Variants in CALD1 observed in about 807,000 individuals in gnomAD.
The protein encoded by CALD1 is caldesmon.
CALD1 carries 33 observed loss-of-function variants against 99.9 expected under a neutral mutation model. The ratio of observed to expected loss-of-function variants is 0.33; its 90% confidence interval spans 0.25 to 0.44. The LOEUF (loss-of-function observed/expected upper bound fraction) is 0.44, where lower values mean the gene tolerates loss of function less well. Ranked by LOEUF, CALD1 falls within the 20% of genes least tolerant of loss-of-function variation. The pLI is 1.00. For synonymous variants in CALD1, 310 were observed against 325.0 expected (o/e 0.95, Z 0.50); for missense variants, 861 against 962.1 (o/e 0.89, Z 1.39).
At chr7:134,834,895 T>C (rs1439025890) in intron 1 of CALD1, among the ~76,000 whole-genome samples, 2 of 152,220 alleles carry the variant, frequency 1.3e-5, no homozygotes, top group Non-Finnish European at 2.9e-5. Flanking sequence ...CCCAGGGCCC[T>C]GTGCACAAAA....
At chr7:134,895,298 A>AAGTG (rs1045099168) in intron 3 of CALD1, among the ~76,000 whole-genome samples, 1 of 138,646 alleles carries the variant, frequency 7.2e-6, no homozygotes, top group African/African-American at 2.6e-5. Flanking sequence ...TTATATATGT[A>AAGTG]TGTGTGTGTG....
upstream of CALD1, among the ~76,000 whole-genome samples, chr7:134,742,255 A>G (rs749968144): frequency 1.9e-4 from 29 of 152,242 alleles, no homozygotes; most frequent in Non-Finnish European, 4.1e-4. Context: ...GAGATAGGCT[A>G]TGTGAAAAAA....
intron 12 of CALD1, 197 bp downstream of exon 12, chr7:134,960,308 C>A: frequency 1.4e-6 from 1 of 694,734 alleles, no homozygotes. Flanking sequence ...CCCGGGCCAT[C>A]TTACTCCAAA....
At chr7:134,881,305 T>C (rs1554449668) in intron 3 of CALD1, among the ~76,000 whole-genome samples, 1 of 152,164 alleles carries the variant, frequency 6.6e-6, no homozygotes, top group Non-Finnish European at 1.5e-5. Flanking sequence ...CTCTGGCACT[T>C]TTTTTCTTTG....
chr7:134,806,941 A>G (rs1379901975), intron 1 of CALD1, among the ~76,000 whole-genome samples: 1 of 152,208 alleles, frequency 6.6e-6, no homozygotes, highest in Admixed American at 6.5e-5. Flanking sequence ...AACCATTGCC[A>G]TCATTTTTCC....
intron 1 of CALD1, among the ~76,000 whole-genome samples, chr7:134,790,235 T>A (rs779925571): frequency 6.6e-6 from 1 of 152,036 alleles, no homozygotes. Context: ...TTGATAGTTA[T>A]CTGAAGTCCT....
intron 1 of CALD1, among the ~76,000 whole-genome samples, chr7:134,788,256 G>A (rs150783469): frequency 6.6e-6 from 1 of 152,252 alleles, no homozygotes; most frequent in East Asian, 1.9e-4. Flanking sequence ...CATCTATTGT[G>A]GCTATATGGT....
chr7:134,950,590 A>G, intron 9 of CALD1, 76 bp downstream of exon 9: 1 of 1,136,496 alleles, frequency 8.8e-7, no homozygotes, highest in Non-Finnish European at 1.3e-6. Context: ...GTTATTGATT[A>G]TACAGGGCCT....
intron 1 of CALD1, among the ~76,000 whole-genome samples, chr7:134,814,229 G>A (rs921794837): frequency 6.6e-6 from 1 of 152,186 alleles, no homozygotes; most frequent in Non-Finnish European, 1.5e-5. Flanking sequence ...TATAAATCAC[G>A]AGAGGAAGTA....
intron 4 of CALD1, among the ~76,000 whole-genome samples, chr7:134,932,225 T>C (rs995146057): frequency 6.6e-6 from 1 of 152,174 alleles, no homozygotes; most frequent in African/African-American, 2.4e-5. Flanking sequence ...CCCCCAACTA[T>C]GGAAGGAGGA....
At chr7:134,937,403 C>T (rs1806065817) in intron 6 of CALD1, among the ~76,000 whole-genome samples, 1 of 152,114 alleles carries the variant, frequency 6.6e-6, no homozygotes, top group Admixed American at 6.6e-5. Flanking sequence ...AAACTTTTGG[C>T]TTGTTTTTGA....
chr7:134,769,581 T>TAC (rs1250481849), intron 1 of CALD1, among the ~76,000 whole-genome samples: 1 of 151,194 alleles, frequency 6.6e-6, no homozygotes, highest in Non-Finnish European at 1.5e-5. Context: ...TTTTCTCTTA[T>TAC]ACACACACTC....
At chr7:134,803,481 C>A (rs1452927553) in intron 1 of CALD1, among the ~76,000 whole-genome samples, 1 of 151,868 alleles carries the variant, frequency 6.6e-6, no homozygotes, top group Non-Finnish European at 1.5e-5. Context: ...CAAGGATCTT[C>A]TATTTAAAAA....
chr7:134,752,985 G>A (rs968626207), intron 1 of CALD1, among the ~76,000 whole-genome samples: 1 of 143,968 alleles, frequency 6.9e-6, no homozygotes, highest in Non-Finnish European at 1.5e-5. Context: ...ACTCCAGCCT[G>A]GGCAACAGAA....
At chr7:134,901,801 A>G (rs1167733748) in intron 3 of CALD1, among the ~76,000 whole-genome samples, 5 of 151,896 alleles carry the variant, frequency 3.3e-5, no homozygotes, top group Non-Finnish European at 7.4e-5. Flanking sequence ...CATTCTCCCT[A>G]TGTCTCTTCA....
At position 134,958,259 on chromosome 7, in the gene CALD1, G is replaced by A. The variant is rs775972262; in HGVS notation, c.2030G>A (p.Ser677Asn). 16 of 1,613,966 alleles carry A rather than the reference G, an allele frequency of 9.9e-6. No individual in the cohort carries two copies. The Admixed American group carries it at 1.0e-4, about 10-fold the overall frequency. Reference sequence around the variant, plus strand: ...GCAGCAATAGTCTCCAAGATTGACAGCAGACTGGAGCAGTATACCAGTGCA... The same window carrying A: ...GCAGCAATAGTCTCCAAGATTGACAACAGACTGGAGCAGTATACCAGTGCA... The part of the protein sequence containing the change: ...HQAAIVSKID[S>N]RLEQYTSAIE... The change falls in exon 11 of 15, where the codon AGC (serine) becomes AAC (asparagine). Residue 677 changes from serine to asparagine, a missense_variant. By Grantham distance (46) the Ser-to-Asn change is conservative (BLOSUM62 1). Around this residue, in one of 5 missense-constraint regions of CALD1, gnomAD observed 190 missense variants for 249.0 expected, o/e 0.76. Coordinates refer to ENST00000361675, the MANE Select transcript of CALD1 (RefSeq NM_033138.4).
chr7:134,874,930 C>T (rs1801277281), intron 3 of CALD1, among the ~76,000 whole-genome samples: 1 of 152,200 alleles, frequency 6.6e-6, no homozygotes, highest in South Asian at 2.1e-4. Flanking sequence ...TTATACAACA[C>T]ACAACCCCTC....
chr7:134,967,403 GA>G (rs1808756132), intron 14 of CALD1, among the ~76,000 whole-genome samples: 1 of 152,044 alleles, frequency 6.6e-6, no homozygotes, highest in African/African-American at 2.4e-5. Context: ...TGAATACAAT[GA>G]ACACCCTTGA....
At chr7:134,898,116 T>C (rs989232225) in intron 3 of CALD1, among the ~76,000 whole-genome samples, 1 of 152,060 alleles carries the variant, frequency 6.6e-6, no homozygotes, top group East Asian at 1.9e-4. Context: ...AAAAGTTTTT[T>C]TGGATGGGAG....
Sources: allele counts gnomAD v4.1 joint callset (sites outside exome capture counted in the v4.1 genomes callset), GRCh38; gene constraint gnomAD v4.1.1; regional missense constraint gnomAD v4.1.1; transcripts MANE v1.5; gene names NCBI Gene and HGNC (gene_info 2026-07-23, HGNC 2026-07-21).